ERBB4: variants seen among roughly 807,000 people sequenced by gnomAD.
ERBB4 encodes the protein erb-b2 receptor tyrosine kinase 4, also known as receptor tyrosine-protein kinase erbB-4.
Under a neutral mutation model 158.0 loss-of-function variants are expected in ERBB4, and 42 were observed. The ratio of observed to expected loss-of-function variants is 0.27; its 90% CI spans 0.21 to 0.34. The LOEUF is 0.34. Ranked by LOEUF, ERBB4 falls within the 10% of genes least tolerant of loss-of-function variation. The probability of loss-of-function intolerance (pLI) is 1.00; values close to 1 mark genes in which losing one functional copy is unlikely to be tolerated. For missense variants in ERBB4, 1,333 were observed against 1,624.1 expected (o/e 0.82, Z 3.08); for synonymous variants, 583 against 558.7 (o/e 1.04, Z -0.61).
intron 3 of ERBB4, among the ~76,000 whole-genome samples, chr2:211,820,518 T>G (rs1022934562): frequency 1.3e-5 from 2 of 151,848 alleles, no homozygotes; most frequent in Non-Finnish European, 2.9e-5. Flanking sequence ...TAAAGAAGAT[T>G]TAATACCAAT....
At chr2:211,722,582 CT>C in intron 6 of ERBB4, 48 bp from the exon 7 acceptor site, 1 of 1,586,550 alleles carries the variant, frequency 6.3e-7, no homozygotes, top group Non-Finnish European at 8.7e-7. Context: ...ACTCATAATA[CT>C]TGTTAATGAA....
chr2:211,938,782 T>G (rs1315221716), intron 3 of ERBB4, among the ~76,000 whole-genome samples: 1 of 152,170 alleles, frequency 6.6e-6, no homozygotes, highest in Non-Finnish European at 1.5e-5. Flanking sequence ...TAATTTAGAA[T>G]AGCTCATATC....
At chr2:212,440,503 A>G (rs1490615891) in intron 1 of ERBB4, among the ~76,000 whole-genome samples, 1 of 152,166 alleles carries the variant, frequency 6.6e-6, no homozygotes, top group Non-Finnish European at 1.5e-5. Flanking sequence ...ATACATTCAT[A>G]TATATCCTAT....
chr2:212,493,132 G>C (rs1042745015), intron 1 of ERBB4, among the ~76,000 whole-genome samples: 4 of 151,356 alleles, frequency 2.6e-5, no homozygotes, highest in African/African-American at 9.7e-5. Flanking sequence ...AAGAACCAAA[G>C]TTATTATCTA....
chr2:212,528,475 T>A (rs946146861), intron 1 of ERBB4, among the ~76,000 whole-genome samples: 1 of 152,160 alleles, frequency 6.6e-6, no homozygotes, highest in African/African-American at 2.4e-5. Context: ...ACTCAAACTT[T>A]CTTCTCATGG....
At chr2:212,149,057 C>T (rs1309656430) in intron 1 of ERBB4, among the ~76,000 whole-genome samples, 1 of 143,514 alleles carries the variant, frequency 7.0e-6, no homozygotes, top group Non-Finnish European at 1.5e-5. Context: ...GGAGATATAC[C>T]TAATGCTAGA....
intron 5 of ERBB4, among the ~76,000 whole-genome samples, chr2:211,731,131 G>C (rs1362252027): frequency 6.6e-6 from 1 of 152,098 alleles, no homozygotes; most frequent in Non-Finnish European, 1.5e-5. Flanking sequence ...AAACATTATG[G>C]ATAAATGAAA....
chr2:211,914,657 A>G (rs1241620723), intron 3 of ERBB4, among the ~76,000 whole-genome samples: 1 of 152,132 alleles, frequency 6.6e-6, no homozygotes, highest in Admixed American at 6.6e-5. Context: ...AGAGTTAAAC[A>G]TATTTTTATA....
chr2:212,535,590 T>C (rs1008865684), intron 1 of ERBB4, among the ~76,000 whole-genome samples: 1 of 152,180 alleles, frequency 6.6e-6, no homozygotes, highest in Non-Finnish European at 1.5e-5. Context: ...TTTTCTTCAA[T>C]ACCAAGGCAA....
intron 2 of ERBB4, among the ~76,000 whole-genome samples, chr2:211,968,779 T>C (rs912234668): frequency 7.2e-5 from 11 of 151,988 alleles, no homozygotes; most frequent in African/African-American, 1.2e-4. Context: ...CATATTTTTA[T>C]TGGGGACGGG....
At chr2:211,902,207 A>G (rs2079255299) in intron 3 of ERBB4, among the ~76,000 whole-genome samples, 1 of 152,114 alleles carries the variant, frequency 6.6e-6, no homozygotes, top group African/African-American at 2.4e-5. Context: ...CACAAAGACT[A>G]TTTTGCGAAA....
chr2:211,700,107 A>T lies in ERBB4; in HGVS notation c.1489+1860T>A, dbSNP rs570942709. ...TAAATTTTTGAAAGGTAGTGGTACTAATTTTTTTAAGGATGTGGAAGGAAA... is the reference window on the plus strand; with the variant it reads ...TAAATTTTTGAAAGGTAGTGGTACTTATTTTTTTAAGGATGTGGAAGGAAA... On this transcript the variant is annotated intron_variant, in intron 12 of 27. Coordinates refer to ENST00000342788, the MANE Select transcript of ERBB4 (RefSeq NM_005235.3). 2.9e-4 allele frequency among the ~76,000 whole-genome samples: 44 copies of T among 152,238 alleles called. No individual in the cohort carries two copies. In the South Asian group the frequency reaches 8.9e-3, roughly 31 times the overall value.
intron 3 of ERBB4, among the ~76,000 whole-genome samples, chr2:211,931,468 C>T (rs558639848): frequency 1.3e-5 from 2 of 151,926 alleles, no homozygotes; most frequent in Non-Finnish European, 2.9e-5. Flanking sequence ...AACTACAGCA[C>T]CGTTCTCTGC....
At position 211,889,959 on chromosome 2, in the gene ERBB4, G is replaced by C. The variant is rs1348954411; in HGVS notation, c.421+57471C>G. ...GTACCTGAAAGTGATGGGGAGAATG[G>C]AACCAAGTTGGAAAACACTCTGCAG... On this transcript the variant is annotated intron_variant, in intron 3 of 27. Coordinates refer to ENST00000342788, the MANE Select transcript of ERBB4 (RefSeq NM_005235.3). 1.1e-4 allele frequency among the ~76,000 whole-genome samples: 12 copies of C among 108,426 alleles called. No homozygotes were observed. In the South Asian group the frequency reaches 1.4e-3, roughly 12 times the overall value. The allele number at this position is 108,426 out of a possible 152,430, so 71.1% of individuals were successfully genotyped here.
rs557147221 is a variant in ERBB4, at chr2:212,125,142, A to G, written c.83-239T>C. ...AGGCATAGATTCCACAGAAATATAT[A>G]GCAAGGAGATAAACTTAATCCCATT... On this transcript the variant is annotated intron_variant, in intron 1 of 27. Transcript: ENST00000342788. The G allele has an allele frequency of 3.3e-5, 17 of 510,284 alleles. No homozygotes were observed. The East Asian group carries it at 6.0e-4, about 18-fold the overall frequency. The allele number at this position is 510,284 out of a possible 1,614,324, so 31.6% of individuals were successfully genotyped here.
At chr2:211,450,069 A>C (rs189315940) in intron 20 of ERBB4, among the ~76,000 whole-genome samples, 1 of 152,332 alleles carries the variant, frequency 6.6e-6, no homozygotes, top group Admixed American at 6.5e-5. Flanking sequence ...TGACTTTCCC[A>C]AAAACACACA....
intron 1 of ERBB4, among the ~76,000 whole-genome samples, chr2:212,359,944 G>A (rs559553611): frequency 2.6e-5 from 4 of 151,242 alleles, no homozygotes; most frequent in Admixed American, 2.0e-4. Flanking sequence ...GAAGTCAAAC[G>A]TGTAACTTTT....
intron 19 of ERBB4, among the ~76,000 whole-genome samples, chr2:211,611,733 C>A (rs924398688): frequency 1.3e-5 from 2 of 152,106 alleles, no homozygotes; most frequent in African/African-American, 4.8e-5. Flanking sequence ...GAGAAGAGAT[C>A]CTGATGCACG....
intron 12 of ERBB4, among the ~76,000 whole-genome samples, chr2:211,680,264 A>G (rs1460393536): frequency 6.6e-6 from 1 of 152,150 alleles, no homozygotes; most frequent in African/African-American, 2.4e-5. Flanking sequence ...TCTTTTATTC[A>G]GGATATTATT....
Sources: gnomAD v4.1 joint callset for allele counts (sites outside exome capture counted in the v4.1 genomes callset) on GRCh38, gnomAD v4.1.1 for gene constraint, MANE v1.5 for transcripts, NCBI Gene and HGNC (gene_info 2026-07-23, HGNC 2026-07-21) for gene names.